Variants in SCAPER observed in about 807,000 individuals in gnomAD.
SCAPER encodes S phase cyclin A-associated protein in the endoplasmic reticulum.
Under a neutral mutation model 182.2 loss-of-function variants are expected in SCAPER, and 98 were observed. That is an observed-to-expected ratio of 0.54 (90% CI 0.46 to 0.64). The LOEUF is 0.64. Among genes scored for constraint, SCAPER ranks in the 30% least tolerant of loss-of-function variants. The probability of loss-of-function intolerance (pLI) is 0.00; values close to 1 mark genes in which losing one functional copy is unlikely to be tolerated. For synonymous variants in SCAPER, 605 were observed against 564.6 expected (o/e 1.07, Z -1.01); for missense variants, 1,432 against 1,690.0 (o/e 0.85, Z 2.68).
At chr15:76,389,815 C>CAAAA (rs34780168) in intron 27 of SCAPER, among the ~76,000 whole-genome samples, 1 of 95,568 alleles carries the variant, frequency 1.0e-5, no homozygotes, top group Non-Finnish European at 2.0e-5. Context: ...GACTCCGTCT[C>CAAAA]AAAAAAAAAA....
chr15:76,733,138 C>T, intron 16 of SCAPER, 91 bp downstream of exon 16: 1 of 1,126,392 alleles, frequency 8.9e-7, no homozygotes, highest in Non-Finnish European at 1.3e-6. Flanking sequence ...CATCTCCGCA[C>T]ATGGGGAGAA....
At chr15:76,705,822 A>C in intron 18 of SCAPER, 81 bp downstream of exon 18, 3 of 913,002 alleles carry the variant, frequency 3.3e-6, no homozygotes, top group Middle Eastern at 3.2e-4. Context: ...AAATTAATTC[A>C]ATTTTTTTCC....
At chr15:76,889,675 T>C (rs554001726) in intron 1 of SCAPER, among the ~76,000 whole-genome samples, 2 of 152,230 alleles carry the variant, frequency 1.3e-5, no homozygotes, top group African/African-American at 4.8e-5. Flanking sequence ...ATAAAGCAAG[T>C]CCTTAGAGAC....
chr15:76,476,792 C>T (rs1438621586), intron 24 of SCAPER, among the ~76,000 whole-genome samples: 2 of 149,246 alleles, frequency 1.3e-5, no homozygotes, highest in Non-Finnish European at 2.9e-5. Context: ...TAAGTTCCCT[C>T]TCTGAGTAAA....
At chr15:76,506,892 C>T (rs1271207460) in intron 23 of SCAPER, among the ~76,000 whole-genome samples, 3 of 152,214 alleles carry the variant, frequency 2.0e-5, no homozygotes, top group East Asian at 1.9e-4. Flanking sequence ...ATGCAATTTA[C>T]GATCTGTATA....
At chr15:76,513,977 G>A (rs1024835655) in intron 23 of SCAPER, among the ~76,000 whole-genome samples, 1 of 151,954 alleles carries the variant, frequency 6.6e-6, no homozygotes, top group Non-Finnish European at 1.5e-5. Context: ...TCTACTTTAC[G>A]CAAAGTTATT....
intron 22 of SCAPER, among the ~76,000 whole-genome samples, chr15:76,599,191 G>A (rs1290266074): frequency 8.3e-6 from 1 of 120,628 alleles, no homozygotes; most frequent in African/African-American, 2.5e-5. Context: ...GATTATCATG[G>A]AAACTCTAAA....
intron 26 of SCAPER, among the ~76,000 whole-genome samples, chr15:76,431,591 T>C (rs1228525225): frequency 1.5e-5 from 2 of 137,252 alleles, no homozygotes; most frequent in Admixed American, 8.7e-5. Context: ...CTGACAAAAA[T>C]GCCCAGATTG....
intron 28 of SCAPER, among the ~76,000 whole-genome samples, chr15:76,378,245 C>G (rs2042701349): frequency 6.7e-6 from 1 of 150,128 alleles, no homozygotes; most frequent in Non-Finnish European, 1.5e-5. Context: ...TGCAGCAGGT[C>G]AGACAATTTA....
chr15:76,898,685 A>G (rs774257426), intron 1 of SCAPER, among the ~76,000 whole-genome samples: 2 of 152,232 alleles, frequency 1.3e-5, no homozygotes, highest in Non-Finnish European at 2.9e-5. Context: ...AATGTCCTGA[A>G]TAGGCAAATC....
chr15:76,352,093 G>C (rs1326941579), intron 30 of SCAPER, among the ~76,000 whole-genome samples: 1 of 152,148 alleles, frequency 6.6e-6, no homozygotes, highest in Non-Finnish European at 1.5e-5. Flanking sequence ...GAACTAAGCT[G>C]ATACAGATGT....
rs574410106 is a variant in SCAPER, at chr15:76,499,440, G to A, written c.2954+5419C>T. Among the ~76,000 whole-genome samples the A allele has an allele frequency of 5.3e-5, 8 of 152,316 alleles. No homozygotes were observed. The South Asian group carries it at 6.2e-4, about 12-fold the overall frequency. On this transcript the variant is annotated intron_variant, in intron 24 of 31. Coordinates refer to ENST00000563290, the MANE Select transcript of SCAPER (RefSeq NM_020843.4). Reference sequence around the variant, plus strand: ...TATTTGGCAAAAATGAGATCAAATTGTAAGTCTATAGAGTCCAGTATTTGA... The same window carrying A: ...TATTTGGCAAAAATGAGATCAAATTATAAGTCTATAGAGTCCAGTATTTGA...
chr15:76,900,818 A>G (rs574979063), intron 1 of SCAPER, among the ~76,000 whole-genome samples: 34 of 152,350 alleles, frequency 2.2e-4, no homozygotes, highest in Non-Finnish European at 4.4e-5. Flanking sequence ...GGCCCATCTA[A>G]CTGAAGCCAG....
chr15:76,765,409 T>A lies in SCAPER; in HGVS notation c.1541A>T (p.Glu514Val). 6.2e-7 allele frequency: 1 copy of A among 1,613,998 alleles called. No homozygotes were observed. Reference sequence around the variant, plus strand: ...CCCTGGAGGTCTAGCAGGTTCTTCTTCTACAATGTCCCCCCAGGATGTATT... The same window carrying A: ...CCCTGGAGGTCTAGCAGGTTCTTCTACTACAATGTCCCCCCAGGATGTATT... ...RQNTSWGDIVEEEPARPPGHG... is the reference protein window; with the variant it reads ...RQNTSWGDIVVEEPARPPGHG... Residue 514 changes from glutamate (E) to valine (V), a missense_variant, in exon 13 of 32, where the codon GAA becomes GTA. Transcript: ENST00000563290.
intron 29 of SCAPER, among the ~76,000 whole-genome samples, chr15:76,356,818 G>C (rs1411721407): frequency 6.6e-6 from 1 of 152,122 alleles, no homozygotes; most frequent in Non-Finnish European, 1.5e-5. Flanking sequence ...AGATTTCTTT[G>C]GTGGCCACAC....
chr15:76,743,420 G>A (rs2061646366), intron 15 of SCAPER, among the ~76,000 whole-genome samples: 1 of 151,962 alleles, frequency 6.6e-6, no homozygotes, highest in African/African-American at 2.4e-5. Context: ...TGCCAAAAGG[G>A]TACTGAAACT....
chr15:76,889,695 G>C (rs933013928), intron 1 of SCAPER, among the ~76,000 whole-genome samples: 1 of 152,096 alleles, frequency 6.6e-6, no homozygotes, highest in East Asian at 1.9e-4. Context: ...CCTACAAAGA[G>C]ACTTAGACTC....
Position 76,599,063 on chromosome 15 carries a change from ACAATT to A in SCAPER, c.2711+22696_2711+22700del, listed in dbSNP as rs2049721994. ...AATATACACAAGTATATAGATATCT[ACAATT>A]CAATAATAAAAAAAGATAATTCACC... On this transcript the variant is annotated intron_variant, in intron 22 of 31. Coordinates refer to ENST00000563290, the MANE Select transcript of SCAPER (RefSeq NM_020843.4). 3.3e-5 allele frequency among the ~76,000 whole-genome samples: 4 copies of A among 121,112 alleles called. 2 individuals are homozygous for A. The South Asian group carries it at 1.0e-3, about 31-fold the overall frequency. 79.5% of individuals were successfully genotyped at this position (121,112 alleles called of 152,430 possible).
intron 22 of SCAPER, among the ~76,000 whole-genome samples, chr15:76,582,464 G>C (rs1368908515): frequency 1.3e-5 from 2 of 152,082 alleles, no homozygotes; most frequent in Non-Finnish European, 2.9e-5. Flanking sequence ...ACATGAAAAG[G>C]CATTCCATGT....
Sources: gnomAD v4.1 joint callset for allele counts (sites outside exome capture counted in the v4.1 genomes callset) on GRCh38, gnomAD v4.1.1 for gene constraint, MANE v1.5 for transcripts, NCBI Gene and HGNC (gene_info 2026-07-23, HGNC 2026-07-21) for gene names.